PNPLA1: variants seen among roughly 807,000 people sequenced by gnomAD.
PNPLA1 encodes patatin like domain 1, omega-hydroxyceramide transacylase.
Under a neutral mutation model 51.7 loss-of-function variants are expected in PNPLA1, and 36 were observed. The ratio of observed to expected loss-of-function variants is 0.70; its 90% confidence interval spans 0.53 to 0.92. The LOEUF (loss-of-function observed/expected upper bound fraction) is 0.92, where lower values mean the gene tolerates loss of function less well. Among genes scored for constraint, PNPLA1 ranks in the 40% least tolerant of loss-of-function variants. PNPLA1 has a pLI of 0.00. For missense variants in PNPLA1, 658 were observed against 682.5 expected (o/e 0.96, Z 0.40); for synonymous variants, 293 against 280.1 (o/e 1.05, Z -0.46).
chr6:36,270,756 G>A, intron 1 of PNPLA1, 92 bp downstream of exon 1: 1 of 1,398,320 alleles, frequency 7.2e-7, no homozygotes. Context: ...TGCTTTGGGG[G>A]ACAAAGCCAG....
At chr6:36,292,854 G>C (rs1338142671) in intron 2 of PNPLA1, among the ~76,000 whole-genome samples, 9 of 152,206 alleles carry the variant, frequency 5.9e-5, no homozygotes, top group African/African-American at 2.2e-4. Flanking sequence ...GGACATCAGG[G>C]CCAGATGGAC....
intron 8 of PNPLA1, among the ~76,000 whole-genome samples, chr6:36,310,248 G>A (rs771117289): frequency 2.6e-5 from 4 of 152,294 alleles, no homozygotes; most frequent in African/African-American, 7.2e-5. Flanking sequence ...TTCTAGGAAC[G>A]GCAGTGATGC....
Position 36,294,435 on chromosome 6 carries a change from G to T in PNPLA1, c.714+36G>T, listed in dbSNP as rs747774861. The stretch of plus-strand genomic sequence containing the variant: ...GGAGGGGTCTGGGGAGTAGCAGAAG[G>T]TACCAGGGACTAGGGGTGGGGTTAG... On this transcript the variant is annotated intron_variant, in intron 4 of 8. Transcript: ENST00000636260. This position sits in a 1 kb window ranked among gnomAD's most constrained non-coding sequence, Gnocchi z 4.2. 44 of 1,591,476 alleles carry T rather than the reference G, an allele frequency of 2.8e-5. No homozygotes were observed. Among genetic ancestry groups the T allele is most frequent in the South Asian group, 1.1e-5 (1 of 90,004 alleles).
At chr6:36,289,325 C>T (rs1362075261) in intron 1 of PNPLA1, among the ~76,000 whole-genome samples, 1 of 152,178 alleles carries the variant, frequency 6.6e-6, no homozygotes, top group East Asian at 1.9e-4. Context: ...CCTGCCCTGG[C>T]TTGACTCCCC....
intron 1 of PNPLA1, among the ~76,000 whole-genome samples, chr6:36,254,247 T>A (rs1387865629): frequency 1.3e-5 from 2 of 152,190 alleles, no homozygotes; most frequent in Non-Finnish European, 2.9e-5. Flanking sequence ...CACATCCTAA[T>A]CCCATCCTGG....
At chr6:36,306,044 C>T (rs753986983) in intron 6 of PNPLA1, among the ~76,000 whole-genome samples, 7 of 152,104 alleles carry the variant, frequency 4.6e-5, no homozygotes, top group African/African-American at 9.7e-5. Flanking sequence ...CATGAGCCAC[C>T]GGGCCTGCCC....
chr6:36,291,613 CTT>C, intron 2 of PNPLA1, 61 bp downstream of exon 2: 2 of 1,341,110 alleles, frequency 1.5e-6, no homozygotes, highest in South Asian at 2.7e-5. Context: ...GGCTCCTGCT[CTT>C]TCTCCACAGC....
rs1770784176 is a variant in PNPLA1, at chr6:36,294,274, C to G, written c.589C>G (p.Gln197Glu). 6.2e-7 allele frequency: 1 copy of G among 1,614,106 alleles called. No individual in the cohort carries two copies. The highest frequency in any genetic ancestry group is 1.3e-5 in the African/African-American group (1 of 74,932). ...AITISTFSGQ[Q>E]DICPRDCPAI... ...CACCATCTCCACCTTCAGTGGGCAG[C>G]AGGACATCTGTCCCCGGGACTGCCC... The change falls in exon 4 of 9, where the codon CAG becomes GAG. Residue 197 changes from glutamine (Q) to glutamate (E), a missense_variant. Gln to Glu is a conservative substitution (Grantham distance 29). Transcript: ENST00000636260. The surrounding 1 kb of genome is among the most constrained non-coding windows in gnomAD (Gnocchi z 4.2).
intron 1 of PNPLA1, among the ~76,000 whole-genome samples, chr6:36,259,415 A>G (rs1769598539): frequency 1.3e-5 from 2 of 152,320 alleles, no homozygotes; most frequent in South Asian, 4.1e-4. Flanking sequence ...AATACTGAAA[A>G]GGTGAAGTAA....
chr6:36,303,877 A>T (rs1343213275), intron 6 of PNPLA1, among the ~76,000 whole-genome samples: 6 of 152,204 alleles, frequency 3.9e-5, no homozygotes, highest in Non-Finnish European at 7.3e-5. Flanking sequence ...TATAACTAAT[A>T]AAAACACAGT....
chr6:36,296,998 CACAATGCTCAAAT>C (rs1770877619), intron 5 of PNPLA1, among the ~76,000 whole-genome samples: 1 of 152,174 alleles, frequency 6.6e-6, no homozygotes, highest in South Asian at 2.1e-4. Flanking sequence ...AAGCCCTTAT[CACAATGCTCAAAT>C]AAATGGTAGC....
At chr6:36,291,961 G>A (rs1483402055) in intron 2 of PNPLA1, among the ~76,000 whole-genome samples, 2 of 152,142 alleles carry the variant, frequency 1.3e-5, no homozygotes, top group East Asian at 1.9e-4. Flanking sequence ...TCCCCTTTCT[G>A]CCCCCTCTCT....
chr6:36,277,108 A>G (rs1026644289), intron 1 of PNPLA1, among the ~76,000 whole-genome samples: 1 of 152,226 alleles, frequency 6.6e-6, no homozygotes, highest in Non-Finnish European at 1.5e-5. Flanking sequence ...CAGCAAGGAC[A>G]TAGCATGACA....
At chr6:36,301,757 G>A in intron 5 of PNPLA1, 104 bp from the exon 6 acceptor site, 1 of 1,419,568 alleles carries the variant, frequency 7.0e-7, no homozygotes, top group South Asian at 1.4e-5. Flanking sequence ...AAAGACCTTT[G>A]AAAAGCACTG....
chr6:36,248,404 A>G (rs989964846), intron 1 of PNPLA1, among the ~76,000 whole-genome samples: 1 of 152,170 alleles, frequency 6.6e-6, no homozygotes, highest in East Asian at 1.9e-4. Context: ...ACACAAGGAA[A>G]TTGCGTAACC....
intron 6 of PNPLA1, among the ~76,000 whole-genome samples, chr6:36,305,322 C>A (rs73729939): frequency 3.2e-4 from 49 of 152,176 alleles, no homozygotes; most frequent in Middle Eastern, 3.4e-3. Context: ...TTAGTGGTAT[C>A]AGTCATTTAA....
In PNPLA1 at chr6:36,294,397, G is replaced by C; in HGVS notation, c.712G>C (p.Val238Leu). The C allele has an allele frequency of 1.2e-6, 2 of 1,613,742 alleles. No individual in the cohort carries two copies. Among genetic ancestry groups the C allele is most frequent in the Non-Finnish European group, 1.7e-6 (2 of 1,179,740 alleles). The change falls in exon 4 of 9, where the codon GTG becomes CTG. Residue 238 changes from valine to leucine, a missense_variant and splice_region_variant. Coordinates refer to ENST00000636260, the MANE Select transcript of PNPLA1 (RefSeq NM_001374623.1). This position sits in a 1 kb window ranked among gnomAD's most constrained non-coding sequence, Gnocchi z 4.2. ...CCACGCATTGTTCCCCCCGGACCTGGTGGTGAGAGGCAGGAGGGGTCTGGG... is the reference window on the plus strand; with the variant it reads ...CCACGCATTGTTCCCCCCGGACCTGCTGGTGAGAGGCAGGAGGGGTCTGGG... ...MTHALFPPDL[V>L]ILHDYYYRGY...
intron 1 of PNPLA1, among the ~76,000 whole-genome samples, chr6:36,262,153 GT>G (rs1324950652): frequency 5.3e-5 from 8 of 152,260 alleles, no homozygotes; most frequent in Admixed American, 2.0e-4. Flanking sequence ...ACCTCACACA[GT>G]TGGTCCTAGG....
chr6:36,273,051 C>G (rs1005692958), intron 1 of PNPLA1, among the ~76,000 whole-genome samples: 6 of 151,570 alleles, frequency 4.0e-5, no homozygotes, highest in Non-Finnish European at 7.4e-5. Flanking sequence ...TCAAGACCAG[C>G]CTGGCCAAAT....
Sources: gnomAD v4.1 joint callset for allele counts (sites outside exome capture counted in the v4.1 genomes callset) on GRCh38, gnomAD v4.1.1 for gene constraint, Gnocchi (gnomAD v3.1) non-coding constraint, MANE v1.5 for transcripts, NCBI Gene and HGNC (gene_info 2026-07-23, HGNC 2026-07-21) for gene names.